The following FSCN3 variants were observed in gnomAD, a reference collection of about 807,000 sequenced individuals.
The protein encoded by FSCN3 is fascin-3.
Under a neutral mutation model 53.5 loss-of-function variants are expected in FSCN3, and 43 were observed. That is an observed-to-expected ratio of 0.80 (90% CI 0.63 to 1.04). The LOEUF (loss-of-function observed/expected upper bound fraction) is 1.04, where lower values mean the gene tolerates loss of function less well. Among genes scored for constraint, FSCN3 ranks in the 50% least tolerant of loss-of-function variants. The pLI is 0.00. For synonymous variants in FSCN3, 235 were observed against 246.6 expected (o/e 0.95, Z 0.44); for missense variants, 594 against 646.5 (o/e 0.92, Z 0.88).
chr7:127,594,229 A>G (rs112232735), intron 1 of FSCN3, among the ~76,000 whole-genome samples: 1 of 99,852 alleles, frequency 1.0e-5, no homozygotes. Context: ...TACTGGAACC[A>G]GTTTTCTGAG....
chr7:127,594,248 C>CTGTGTGTGTGTGTGTG (rs368223947), intron 1 of FSCN3, among the ~76,000 whole-genome samples: 1 of 98,938 alleles, frequency 1.0e-5, no homozygotes, highest in Non-Finnish European at 1.9e-5. Context: ...AGTGGCCAAG[C>CTGTGTGTGTGTGTGTG]TGTGTGTGTG....
chr7:127,594,581 A>C (rs1196739994), intron 1 of FSCN3: 1 of 471,120 alleles, frequency 2.1e-6, no homozygotes, highest in South Asian at 1.5e-5. Context: ...CCAGGTGGGA[A>C]AGCAGAATTG....
At position 127,600,411 on chromosome 7, in the gene FSCN3, G is replaced by A; in HGVS notation, c.*12G>A. On this transcript the variant is annotated intron_variant, in intron 6 of 6. Coordinates refer to ENST00000265825, the MANE Select transcript of FSCN3 (RefSeq NM_020369.3). ...TCTGGGAATTTTAGGTAAGGGAGAG[G>A]AACAGGTAAGGGGCTAGGGGAGCAG... 6.6e-7 allele frequency: 1 copy of A among 1,504,066 alleles called. No individual in the cohort carries two copies. The highest frequency in any genetic ancestry group is 9.3e-7 in the Non-Finnish European group (1 of 1,079,874). 93.2% of individuals were successfully genotyped at this position (1,504,066 alleles called of 1,614,324 possible).
rs766009360 is a variant in FSCN3, at chr7:127,593,975, C to T, written c.122C>T (p.Ala41Val). The T allele has an allele frequency of 1.6e-5, 25 of 1,612,494 alleles. No homozygotes were observed. The Middle Eastern group carries it at 4.9e-4, about 32-fold the overall frequency. Residue 41 changes from alanine (A) to valine (V), a missense_variant, in exon 1 of 7, where the codon GCG becomes GTG. Physicochemically the swap from Ala to Val is moderately conservative, Grantham distance 64 (BLOSUM62 0). Transcript: ENST00000265825. ...EACKNTVTAT[A>V]KSLGRRQTWE... ...TGCAAGAATACAGTCACTGCAACTG[C>T]GAAGAGTTTGGGCAGGAGACAGGTG... is the stretch of plus-strand genomic sequence containing the variant.
intron 3 of FSCN3, among the ~76,000 whole-genome samples, chr7:127,596,831 C>T (rs1419353831): frequency 6.6e-6 from 1 of 152,218 alleles, no homozygotes; most frequent in East Asian, 1.9e-4. Context: ...ATTTCCAACA[C>T]CACAAACTTT....
intron 4 of FSCN3, 136 bp from the exon 5 acceptor site, chr7:127,599,245 C>A: frequency 1.4e-6 from 1 of 695,192 alleles, no homozygotes. Flanking sequence ...AGCATAAGAC[C>A]TGACACATAG....
chr7:127,595,084 G>A, intron 1 of FSCN3: 1 of 598,058 alleles, frequency 1.7e-6, no homozygotes, highest in Non-Finnish European at 3.0e-6. Flanking sequence ...TTTGGATAGT[G>A]CCATCTGGCT....
Position 127,596,023 on chromosome 7 carries a change from CAGAT to C in FSCN3, c.841+21_841+24del, listed in dbSNP as rs765897657. 3.3e-6 allele frequency: 5 copies of C among 1,523,022 alleles called. No homozygotes were observed. The highest frequency in any genetic ancestry group is 3.6e-4 in the Middle Eastern group (2 of 5,610). 94.3% of individuals were successfully genotyped at this position (1,523,022 alleles called of 1,614,324 possible). A position where few individuals can be genotyped will look rare whatever the true frequency, so the allele number is the denominator to read the frequency against. ...TCTACGGCAAGTGCTGGACCCAACA[CAGAT>C]GGAGGGAGAGAGGGCTGGCTGTTAA... On this transcript the variant is annotated intron_variant, in intron 2 of 6. Coordinates refer to ENST00000265825, the MANE Select transcript of FSCN3 (RefSeq NM_020369.3).
In FSCN3 at chr7:127,599,345, C is replaced by G. The variant is rs755848221; in HGVS notation, c.1121-36C>G. 18 of 1,575,474 alleles carry G rather than the reference C, an allele frequency of 1.1e-5. 1 individual carries two copies. Among genetic ancestry groups the G allele is most frequent in the Middle Eastern group, 1.7e-4 (1 of 6,004 alleles). ...TTCCACTTGGGAAAACACCTAAAGG[C>G]AGCCCATCCAGATAACTCCTTCCTA... On this transcript the variant is annotated intron_variant, in intron 4 of 6. Transcript: ENST00000265825.
intron 5 of FSCN3, 92 bp from the exon 6 acceptor site, chr7:127,600,102 G>T: frequency 1.4e-6 from 1 of 731,218 alleles, no homozygotes. Flanking sequence ...AGCTAGGGGA[G>T]GGTGGCATGC....
At chr7:127,599,684 G>A (rs1794443449) in intron 5 of FSCN3, 133 bp downstream of exon 5, 4 of 764,646 alleles carry the variant, frequency 5.2e-6, no homozygotes, top group Non-Finnish European at 4.2e-6. Flanking sequence ...AGTGGCTCAT[G>A]CCTGTAATCC....
chr7:127,595,254 G>T, intron 1 of FSCN3, 53 bp from the exon 2 acceptor site: 1 of 1,517,894 alleles, frequency 6.6e-7, no homozygotes, highest in Non-Finnish European at 9.0e-7. Flanking sequence ...GGGCTCCTTG[G>T]TCTGGTAACT....
chr7:127,596,259 C>T (rs916430143), intron 2 of FSCN3, 69 bp from the exon 3 acceptor site: 88 of 1,538,158 alleles, frequency 5.7e-5, no homozygotes, highest in Non-Finnish European at 6.8e-5. Flanking sequence ...ACAGAAGCCC[C>T]GGTCATAAAA....
chr7:127,601,340 C>T (rs545472290), intron 6 of FSCN3, among the ~76,000 whole-genome samples: 33 of 152,330 alleles, frequency 2.2e-4, no homozygotes, highest in Non-Finnish European at 3.4e-4. Flanking sequence ...CTTCAGGGCA[C>T]CTTGTTGCTC....
rs1168981935 is a variant in FSCN3 at position 127,595,802 on chromosome 7, G to A, written c.640G>A (p.Ala214Thr). ...GTTCTCCCAACCCTCATCACAGACA[G>A]CTTTTCACATGCAAGTGCGGCCTGG... ...RLFSQPSSQT[A>T]FHMQVRPGGL... is the part of the protein sequence containing the mutation. Residue 214 changes from alanine (A) to threonine (T), a missense_variant, in exon 2 of 7, where the codon GCT becomes ACT. Transcript: ENST00000265825. 1.3e-5 allele frequency: 21 copies of A among 1,613,726 alleles called. No homozygotes were observed. The highest frequency in any genetic ancestry group is 1.8e-5 in the Non-Finnish European group (21 of 1,179,728).
chr7:127,600,470 G>A, intron 6 of FSCN3, 71 bp downstream of exon 6: 8 of 917,704 alleles, frequency 8.7e-6, no homozygotes, highest in Non-Finnish European at 1.4e-5. Flanking sequence ...GGAGGTGGGT[G>A]GGGAGGCATG....
At chr7:127,600,140 C>T (rs1216157306) in intron 5 of FSCN3, 54 bp from the exon 6 acceptor site, 6 of 960,108 alleles carry the variant, frequency 6.2e-6, no homozygotes, top group East Asian at 2.4e-5. Context: ...AAGGCCAGAT[C>T]GCTGGAGGAC....
rs139357091 is a variant in FSCN3 at position 127,594,044 on chromosome 7, CTG to C, written c.144+62_144+63del. The C allele has an allele frequency of 3.2e-3, 4,745 of 1,470,082 alleles. 3 individuals are homozygous for C. The highest frequency in any genetic ancestry group is 4.9e-3 in the East Asian group (175 of 35,760). The allele number at this position is 1,470,082 out of a possible 1,614,324, so 91.1% of individuals were successfully genotyped here. A position where few individuals can be genotyped will look rare whatever the true frequency, so the allele number is the denominator to read the frequency against. ...GGCACCAGTTTTCTGAGTGGCCAAG[CTG>C]TGTGTGTGTGTGTGCGCGCGCGCGT... On this transcript the variant is annotated intron_variant, in intron 1 of 6. Coordinates refer to ENST00000265825, the MANE Select transcript of FSCN3 (RefSeq NM_020369.3).
At position 127,600,200 on chromosome 7, in the gene FSCN3, G is replaced by A; in HGVS notation, c.1298G>A (p.Gly433Glu). The A allele has an allele frequency of 6.3e-7, 1 of 1,590,752 alleles. No homozygotes were observed. The highest frequency in any genetic ancestry group is 8.6e-7 in the Non-Finnish European group (1 of 1,158,746). ...RPGIYHFQAQ[G>E]GSFWSITSFG... ...TGAGCTCTTCCTTCTCCAGCACAGG[G>A]GGGATCCTTCTGGTCAATAACATCC... Residue 433 changes from glycine to glutamate, a missense_variant, in exon 6 of 7, where the codon GGG (glycine) becomes GAG (glutamate). Coordinates refer to ENST00000265825, the MANE Select transcript of FSCN3 (RefSeq NM_020369.3).
Sources: gnomAD v4.1 joint callset for allele counts (sites outside exome capture counted in the v4.1 genomes callset) on GRCh38, gnomAD v4.1.1 for gene constraint, MANE v1.5 for transcripts, NCBI Gene and HGNC (gene_info 2026-07-23, HGNC 2026-07-21) for gene names.